TTC28: variants seen among roughly 807,000 people sequenced by gnomAD.
TTC28 encodes tetratricopeptide repeat domain 28, also known as tetratricopeptide repeat protein 28.
Under a neutral mutation model 198.0 loss-of-function variants are expected in TTC28, and 61 were observed. That is an observed-to-expected ratio of 0.31 (90% CI 0.25 to 0.38). TTC28 has a LOEUF of 0.38. TTC28 is among the 10% of genes least tolerant of loss of function. TTC28 has a pLI of 1.00. For synonymous variants in TTC28, 1,171 were observed against 1,297.8 expected (o/e 0.90, Z 2.10); for missense variants, 2,678 against 3,164.0 (o/e 0.85, Z 3.69).
chr22:28,355,628 T>C (rs2046066012), intron 2 of TTC28, among the ~76,000 whole-genome samples: 1 of 152,238 alleles, frequency 6.6e-6, no homozygotes, highest in South Asian at 2.1e-4. Flanking sequence ...CAAGTTCTAA[T>C]AAATATTCTA....
chr22:28,631,975 C>A (rs930225321), intron 1 of TTC28, among the ~76,000 whole-genome samples: 15 of 152,060 alleles, frequency 9.9e-5, no homozygotes, highest in African/African-American at 3.6e-4. Flanking sequence ...TTCCCTATGT[C>A]TTCCTTTAAG....
intron 2 of TTC28, among the ~76,000 whole-genome samples, chr22:28,540,337 A>G (rs2049386191): frequency 6.6e-6 from 1 of 152,136 alleles, no homozygotes; most frequent in South Asian, 2.1e-4. Flanking sequence ...TTGGGTCTGG[A>G]GGCAGATGTC....
At chr22:28,092,462 G>A (rs135113) in intron 12 of TTC28, among the ~76,000 whole-genome samples, 19,229 of 152,196 alleles carry the variant, frequency 0.13, 1,526 homozygotes, top group African/African-American at 0.22. Flanking sequence ...AGCCTTTTCA[G>A]TGGGACCTTG....
intron 12 of TTC28, among the ~76,000 whole-genome samples, chr22:28,043,349 A>G (rs1471033276): frequency 6.7e-6 from 1 of 150,182 alleles, no homozygotes; most frequent in East Asian, 2.0e-4. Context: ...TCAGACGTGT[A>G]TTACTGCCCC....
intron 12 of TTC28, among the ~76,000 whole-genome samples, chr22:28,034,777 G>A (rs1221094694): frequency 1.3e-5 from 2 of 152,200 alleles, no homozygotes; most frequent in Non-Finnish European, 2.9e-5. Flanking sequence ...GAGAGAGGGA[G>A]CAGTCCAGAG....
At chr22:28,536,193 C>T (rs1347196085) in intron 2 of TTC28, among the ~76,000 whole-genome samples, 8 of 87,894 alleles carry the variant, frequency 9.1e-5, no homozygotes, top group East Asian at 3.1e-4. Flanking sequence ...AGCGAGACAC[C>T]GTCTCAAAAA....
chr22:28,576,092 C>T (rs1056871572), intron 2 of TTC28, among the ~76,000 whole-genome samples: 13 of 151,966 alleles, frequency 8.6e-5, no homozygotes, highest in Non-Finnish European at 1.5e-4. Flanking sequence ...GAAAGTCTTT[C>T]GATTTTTCCC....
chr22:28,557,502 T>C (rs2049804583), intron 2 of TTC28, among the ~76,000 whole-genome samples: 1 of 152,236 alleles, frequency 6.6e-6, no homozygotes, highest in Non-Finnish European at 1.5e-5. Flanking sequence ...AGACATTCTA[T>C]TTGGTACATT....
intron 2 of TTC28, among the ~76,000 whole-genome samples, chr22:28,364,867 T>G (rs1383307547): frequency 1.3e-5 from 2 of 152,220 alleles, no homozygotes; most frequent in South Asian, 4.1e-4. Flanking sequence ...CTGGTAAAGA[T>G]GCTGTGAACA....
intron 2 of TTC28, among the ~76,000 whole-genome samples, chr22:28,353,390 A>G (rs2046028787): frequency 1.3e-5 from 2 of 152,218 alleles, no homozygotes; most frequent in Admixed American, 6.6e-5. Context: ...TAGCCAAAAC[A>G]ATCTTGAAAA....
At chr22:28,524,177 A>G (rs2048963570) in intron 2 of TTC28, among the ~76,000 whole-genome samples, 1 of 152,150 alleles carries the variant, frequency 6.6e-6, no homozygotes, top group Non-Finnish European at 1.5e-5. Flanking sequence ...GAACATAAGT[A>G]GGTAATTACG....
chr22:28,164,103 G>A (rs747335384), intron 5 of TTC28, among the ~76,000 whole-genome samples: 9 of 152,200 alleles, frequency 5.9e-5, no homozygotes, highest in Non-Finnish European at 7.3e-5. Flanking sequence ...GGGGAGGGGC[G>A]CCCATCATTG....
intron 5 of TTC28, among the ~76,000 whole-genome samples, chr22:28,263,338 TAA>T (rs1311494288): frequency 2.0e-5 from 3 of 152,268 alleles, no homozygotes; most frequent in African/African-American, 7.2e-5. Flanking sequence ...CTCAACTTTT[TAA>T]AAACAGTAAA....
At chr22:28,112,815 C>G (rs115718161) in intron 6 of TTC28, among the ~76,000 whole-genome samples, 1 of 152,180 alleles carries the variant, frequency 6.6e-6, no homozygotes, top group South Asian at 2.1e-4. Flanking sequence ...TAGGTGACAA[C>G]GTGCTGCAGG....
chr22:27,996,381 G>A, intron 16 of TTC28, 122 bp from the exon 17 acceptor site: 1 of 1,418,372 alleles, frequency 7.1e-7, no homozygotes. Context: ...CCTGGCAGGG[G>A]AGCAGCTCAC....
intron 12 of TTC28, among the ~76,000 whole-genome samples, chr22:28,031,362 C>G (rs1262658882): frequency 6.6e-6 from 1 of 152,166 alleles, no homozygotes; most frequent in Admixed American, 6.5e-5. Context: ...ATACCTCGCC[C>G]CCAGATAACT....
At chr22:28,433,795 A>G (rs1231965163) in intron 2 of TTC28, among the ~76,000 whole-genome samples, 2 of 152,212 alleles carry the variant, frequency 1.3e-5, no homozygotes, top group Non-Finnish European at 2.9e-5. Context: ...GTTTGTTTGA[A>G]TAAGTTACTG....
At position 28,621,568 on chromosome 22, in the gene TTC28, T is replaced by A. The variant is rs555006998; in HGVS notation, c.381+7984A>T. Among the ~76,000 whole-genome samples, 66 of 147,916 alleles carry A rather than the reference T, an allele frequency of 4.5e-4. No individual in the cohort carries two copies. The East Asian group carries it at 9.1e-3, about 20-fold the overall frequency. On this transcript the variant is annotated intron_variant, in intron 2 of 22. Coordinates refer to ENST00000397906, the MANE Select transcript of TTC28 (RefSeq NM_001145418.2). Reference sequence around the variant, plus strand: ...TACCACTAAAAAAAAATAATAATAATAAAAAAAATAAAAAGTTTAAAAAAA... The same window carrying A: ...TACCACTAAAAAAAAATAATAATAAAAAAAAAAATAAAAAGTTTAAAAAAA...
At chr22:28,257,739 C>CATATATATATATATATATATATAT (rs66590909) in intron 5 of TTC28, among the ~76,000 whole-genome samples, 2 of 96,574 alleles carry the variant, frequency 2.1e-5, no homozygotes, top group African/African-American at 4.7e-5. Flanking sequence ...GGTAATAGAA[C>CATATATATATATATATATATATAT]ATATATATAT....
Sources: gnomAD v4.1 joint callset for allele counts (sites outside exome capture counted in the v4.1 genomes callset) on GRCh38, gnomAD v4.1.1 for gene constraint, MANE v1.5 for transcripts, NCBI Gene and HGNC (gene_info 2026-07-23, HGNC 2026-07-21) for gene names.